The following TTLL7 variants were observed in gnomAD, a reference collection of about 807,000 sequenced individuals.
TTLL7 encodes the protein tubulin tyrosine ligase like 7.
Under a neutral mutation model 120.2 loss-of-function variants are expected in TTLL7, and 53 were observed. The ratio of observed to expected loss-of-function variants is 0.44; its 90% confidence interval spans 0.35 to 0.55. TTLL7 has a LOEUF of 0.55. Ranked by LOEUF, TTLL7 falls within the 20% of genes least tolerant of loss-of-function variation. The pLI, the probability that TTLL7 is intolerant of heterozygous loss-of-function variation, is 0.00. For missense variants in TTLL7, 803 were observed against 1,054.7 expected, an observed-to-expected ratio of 0.76 and a Z score of 3.31; for synonymous variants, 353 against 351.7, an observed-to-expected ratio of 1.00 and a Z score of -0.04.
At chr1:83,967,510 T>C (rs1259778185) in intron 1 of TTLL7, among the ~76,000 whole-genome samples, 1 of 152,066 alleles carries the variant, frequency 6.6e-6, no homozygotes, top group Non-Finnish European at 1.5e-5. Context: ...GGACACAGTG[T>C]CTGCAGCTGC....
At chr1:83,989,222 T>C (rs1652760166) in intron 1 of TTLL7, among the ~76,000 whole-genome samples, 1 of 152,214 alleles carries the variant, frequency 6.6e-6, no homozygotes, top group Admixed American at 6.5e-5. Context: ...GCAATTGCTT[T>C]TGGGGACTTA....
intron 1 of TTLL7, among the ~76,000 whole-genome samples, chr1:83,956,835 C>A (rs1338516753): frequency 2.0e-5 from 3 of 152,136 alleles, no homozygotes; most frequent in Non-Finnish European, 4.4e-5. Flanking sequence ...ATCCACTGAG[C>A]AGTTGTGGCC....
chr1:83,975,854 A>T (rs1651421046), intron 1 of TTLL7, among the ~76,000 whole-genome samples: 1 of 152,126 alleles, frequency 6.6e-6, no homozygotes, highest in Non-Finnish European at 1.5e-5. Flanking sequence ...TTTCTGTTTC[A>T]TATTTAAATA....
At chr1:83,998,857 G>A (rs563374273) in intron 1 of TTLL7, 74 bp downstream of exon 1, 26 of 338,762 alleles carry the variant, frequency 7.7e-5, no homozygotes, top group African/African-American at 5.4e-4. Context: ...CCGGAAAGAG[G>A]GCCAGGGCGG....
chr1:83,876,507 A>G (rs1653939501), intron 20 of TTLL7, among the ~76,000 whole-genome samples: 1 of 151,966 alleles, frequency 6.6e-6, no homozygotes, highest in Non-Finnish European at 1.5e-5. Context: ...GATTTATAGT[A>G]GAATTACATT....
Position 83,907,724 on chromosome 1 carries a change from G to A in TTLL7, c.1787-63C>T, listed in dbSNP as rs918285572. 1.4e-5 allele frequency: 20 copies of A among 1,448,574 alleles called. No individual in the cohort carries two copies. The Admixed American group carries it at 3.7e-4, about 27-fold the overall frequency. The allele number at this position is 1,448,574 out of a possible 1,614,324, so 89.7% of individuals were successfully genotyped here. On this transcript the variant is annotated intron_variant, in intron 15 of 20. Transcript: ENST00000260505. ...TATTAATACAAGTTTTTCACTGTAT[G>A]AAGTCTATATAAACTAAAGATTATA...
intron 15 of TTLL7, among the ~76,000 whole-genome samples, chr1:83,909,756 A>G (rs1272462347): frequency 6.6e-6 from 1 of 152,110 alleles, no homozygotes; most frequent in East Asian, 1.9e-4. Flanking sequence ...TCTCAGAGCT[A>G]TAACAATGTT....
At chr1:83,933,579 CTCT>C (rs1299727706) in intron 9 of TTLL7, 26 bp downstream of exon 9, 2 of 1,603,512 alleles carry the variant, frequency 1.2e-6, no homozygotes, top group South Asian at 1.1e-5. Context: ...ACAGTGATAA[CTCT>C]TCTTTTTTCT....
intron 10 of TTLL7, among the ~76,000 whole-genome samples, chr1:83,926,518 A>G (rs1272526514): frequency 6.6e-6 from 1 of 152,156 alleles, no homozygotes; most frequent in African/African-American, 2.4e-5. Flanking sequence ...GACACAGAAG[A>G]AAAGAGGGCT....
chr1:83,926,638 GAGA>G (rs1659156524), intron 10 of TTLL7, among the ~76,000 whole-genome samples: 1 of 152,222 alleles, frequency 6.6e-6, no homozygotes, highest in Admixed American at 6.5e-5. Context: ...ACTAGTGTCA[GAGA>G]AGGCCAGTGA....
chr1:83,992,532 G>A (rs945349304), intron 1 of TTLL7, among the ~76,000 whole-genome samples: 7 of 151,858 alleles, frequency 4.6e-5, no homozygotes, highest in African/African-American at 1.7e-4. Flanking sequence ...GTCAAAATTA[G>A]TATCTAAAAC....
intron 20 of TTLL7, among the ~76,000 whole-genome samples, chr1:83,878,039 A>G (rs1654088987): frequency 1.3e-5 from 2 of 151,834 alleles, no homozygotes; most frequent in Non-Finnish European, 2.9e-5. Context: ...TTAGTTCAAA[A>G]TCTTTTCTTA....
intron 1 of TTLL7, among the ~76,000 whole-genome samples, chr1:83,998,544 A>C (rs189994954): frequency 6.6e-6 from 1 of 152,236 alleles, no homozygotes; most frequent in Non-Finnish European, 1.5e-5. Flanking sequence ...AATGCCCCGC[A>C]TACTCGCGGA....
intron 19 of TTLL7, among the ~76,000 whole-genome samples, chr1:83,884,015 C>T (rs1265780396): frequency 3.3e-5 from 5 of 151,578 alleles, no homozygotes; most frequent in African/African-American, 1.2e-4. Context: ...CCTTGGTAAA[C>T]TTCAATTTTG....
chr1:83,947,465 TG>T, intron 5 of TTLL7, 183 bp from the exon 6 acceptor site: 1 of 523,974 alleles, frequency 1.9e-6, no homozygotes, highest in Non-Finnish European at 3.2e-6. Context: ...GACACTATTC[TG>T]GACTATGGAT....
chr1:83,958,954 CA>C (rs1362958287), intron 1 of TTLL7, among the ~76,000 whole-genome samples: 2 of 152,064 alleles, frequency 1.3e-5, no homozygotes, highest in African/African-American at 2.4e-5. Flanking sequence ...TGGATGACCA[CA>C]ATGTTTATCA....
At chr1:83,988,160 T>C (rs79793717) in intron 1 of TTLL7, among the ~76,000 whole-genome samples, 1 of 152,216 alleles carries the variant, frequency 6.6e-6, no homozygotes, top group African/African-American at 2.4e-5. Context: ...CCTGCGTTAA[T>C]TTGCTTAAGA....
chr1:83,907,344 G>A, intron 16 of TTLL7, 112 bp downstream of exon 16: 1 of 907,894 alleles, frequency 1.1e-6, no homozygotes, highest in East Asian at 2.6e-5. Context: ...AAGAGGTCAT[G>A]AGTTGAATTA....
intron 19 of TTLL7, among the ~76,000 whole-genome samples, chr1:83,887,877 A>G (rs775425333): frequency 1.3e-5 from 2 of 152,062 alleles, no homozygotes; most frequent in Non-Finnish European, 2.9e-5. Flanking sequence ...TTTTGTGGAG[A>G]TTATACAAAT....
Sources: allele counts gnomAD v4.1 joint callset (sites outside exome capture counted in the v4.1 genomes callset), GRCh38; gene constraint gnomAD v4.1.1; transcripts MANE v1.5; gene names NCBI Gene and HGNC (gene_info 2026-07-23, HGNC 2026-07-21).